Variants in PREX1 observed in about 807,000 individuals in gnomAD.
The protein encoded by PREX1 is phosphatidylinositol 3,4,5-trisphosphate-dependent Rac exchanger 1 protein.
A neutral mutation model predicts 198.3 loss-of-function variants in PREX1; 41 were observed. The observed-to-expected ratio is 0.21, with a 90% CI of 0.16 to 0.27. The LOEUF (loss-of-function observed/expected upper bound fraction) is 0.27, where lower values mean the gene tolerates loss of function less well. Among genes scored for constraint, PREX1 ranks in the 10% least tolerant of loss-of-function variants. The probability of loss-of-function intolerance (pLI) is 1.00; values close to 1 mark genes in which losing one functional copy is unlikely to be tolerated. For missense variants in PREX1, 1,620 were observed against 2,200.7 expected (o/e 0.74, Z 5.28); for synonymous variants, 843 against 887.2 (o/e 0.95, Z 0.89).
In PREX1 at chr20:48,686,436, T is replaced by A. The variant is rs140181470; in HGVS notation, c.1334+2221A>T. Among the ~76,000 whole-genome samples the A allele has an allele frequency of 2.0e-3, 306 of 152,302 alleles. 1 individual carries two copies. Among genetic ancestry groups the A allele is most frequent in the Non-Finnish European group, 3.6e-3 (244 of 68,014 alleles). On this transcript the variant is annotated intron_variant, in intron 10 of 39. Transcript: ENST00000371941. The stretch of plus-strand genomic sequence containing the variant: ...GCTGCTATCTTGGCCCCATTTCAAA[T>A]GGGCAGTAAAAGAAATCTCTCTAAT...
At chr20:48,813,266 G>A (rs560502181) in intron 1 of PREX1, among the ~76,000 whole-genome samples, 19 of 152,164 alleles carry the variant, frequency 1.2e-4, no homozygotes, top group Non-Finnish European at 2.1e-4. Flanking sequence ...TCAGCTTCCC[G>A]AGGTCACAGA....
At chr20:48,802,142 C>T (rs1329343193) in intron 1 of PREX1, among the ~76,000 whole-genome samples, 2 of 152,142 alleles carry the variant, frequency 1.3e-5, no homozygotes, top group African/African-American at 4.8e-5. Context: ...ACCCCATCCC[C>T]ACCCCCGCCA....
rs570172950 is a variant in PREX1, at chr20:48,772,992, C to T, written c.220-25112G>A. ...CAAGAAATGTCCATAACTGGCCAGGCGCGGTGGCTCATGCCTGTAATCCCA... is the reference window on the plus strand; with the variant it reads ...CAAGAAATGTCCATAACTGGCCAGGTGCGGTGGCTCATGCCTGTAATCCCA... On this transcript the variant is annotated intron_variant, in intron 1 of 39. Transcript: ENST00000371941. Among the ~76,000 whole-genome samples, 5 of 152,266 alleles carry T rather than the reference C, an allele frequency of 3.3e-5. No individual in the cohort carries two copies. In the South Asian group the frequency reaches 1.0e-3, roughly 32 times the overall value.
chr20:48,677,856 C>T (rs2089720074), intron 13 of PREX1, among the ~76,000 whole-genome samples: 1 of 151,248 alleles, frequency 6.6e-6, no homozygotes, highest in Admixed American at 6.6e-5. Flanking sequence ...CATGGTGGTG[C>T]ATGCCTGTAA....
At chr20:48,676,663 C>T (rs943120499) in intron 13 of PREX1, among the ~76,000 whole-genome samples, 2 of 152,066 alleles carry the variant, frequency 1.3e-5, no homozygotes, top group East Asian at 1.9e-4. Flanking sequence ...GCCGGGGATG[C>T]TGCTGAAGAT....
chr20:48,724,968 G>A (rs1196721041), intron 5 of PREX1, among the ~76,000 whole-genome samples: 1 of 152,212 alleles, frequency 6.6e-6, no homozygotes, highest in African/African-American at 2.4e-5. Context: ...AGATTGCTGG[G>A]AGAGATCAAC....
chr20:48,776,344 GC>G (rs760041943), intron 1 of PREX1, among the ~76,000 whole-genome samples: 5 of 152,106 alleles, frequency 3.3e-5, no homozygotes, highest in African/African-American at 1.2e-4. Flanking sequence ...CATGGACCCC[GC>G]CCCCCTCAGA....
chr20:48,726,450 A>G, intron 4 of PREX1, 59 bp from the exon 5 acceptor site: 1 of 1,244,832 alleles, frequency 8.0e-7, no homozygotes, highest in Non-Finnish European at 1.2e-6. Context: ...GGACATAGCC[A>G]CCCTCAACCA....
chr20:48,700,967 C>T (rs978639585), intron 6 of PREX1, 81 bp from the exon 7 acceptor site: 86 of 1,579,072 alleles, frequency 5.4e-5, no homozygotes, highest in Admixed American at 1.4e-4. Flanking sequence ...CCTACTACCA[C>T]CTCCTGCCAC....
chr20:48,760,711 C>T (rs900024468), intron 1 of PREX1, among the ~76,000 whole-genome samples: 2 of 152,218 alleles, frequency 1.3e-5, no homozygotes, highest in South Asian at 2.1e-4. Context: ...AAGTCCTCTC[C>T]GAGTACCAAC....
chr20:48,775,350 G>A (rs530320364), intron 1 of PREX1, among the ~76,000 whole-genome samples: 22 of 152,140 alleles, frequency 1.4e-4, no homozygotes, highest in African/African-American at 5.3e-4. Flanking sequence ...TTTTTTAAAT[G>A]TGGTGGCCAG....
chr20:48,742,268 G>A (rs761647933), intron 3 of PREX1, among the ~76,000 whole-genome samples: 11 of 152,148 alleles, frequency 7.2e-5, no homozygotes, highest in Non-Finnish European at 1.6e-4. Flanking sequence ...GCCAGAAAGC[G>A]CTGGATCACG....
At chr20:48,765,733 A>G (rs1292939077) in intron 1 of PREX1, among the ~76,000 whole-genome samples, 1 of 152,220 alleles carries the variant, frequency 6.6e-6, no homozygotes, top group African/African-American at 2.4e-5. Flanking sequence ...GGAGAATTTA[A>G]TTAGGGGAAG....
rs193291042 is a variant in PREX1, at chr20:48,734,168, C to G, written c.519+378G>C. Among the ~76,000 whole-genome samples, 69 of 152,294 alleles carry G rather than the reference C, an allele frequency of 4.5e-4. 1 individual carries two copies. The highest frequency in any genetic ancestry group is 6.9e-4 in the Non-Finnish European group (47 of 68,024). ...GTATTAATAATTACTACTCTTGCTG[C>G]CATTTTTAATAGAACCCTTACTTTA... On this transcript the variant is annotated intron_variant, in intron 4 of 39. Transcript: ENST00000371941.
intron 4 of PREX1, among the ~76,000 whole-genome samples, chr20:48,729,258 G>T (rs2090023423): frequency 1.3e-5 from 2 of 152,054 alleles, no homozygotes; most frequent in African/African-American, 4.8e-5. Context: ...TGTATTTTTA[G>T]TAGAGACAGG....
At chr20:48,819,265 T>A (rs1359202491) in intron 1 of PREX1, among the ~76,000 whole-genome samples, 1 of 152,114 alleles carries the variant, frequency 6.6e-6, no homozygotes, top group Non-Finnish European at 1.5e-5. Context: ...TCATCTCCCT[T>A]ACTCTCCCCT....
rs2089436624 is a variant in PREX1, at chr20:48,644,458, G to C, written c.3552C>G (p.Thr1184=). The C allele has an allele frequency of 3.7e-6, 6 of 1,613,960 alleles. No individual in the cohort carries two copies. The highest frequency in any genetic ancestry group is 5.1e-6 in the Non-Finnish European group (6 of 1,179,902). ...NSNRDSVLSY[T]SVRSNSSYLG... ...AGTAGGAGCTGTTACTTCTCACGCTGGTGTAGGACAGGACCGAGTCTCGAT... is the reference window on the plus strand; with the variant it reads ...AGTAGGAGCTGTTACTTCTCACGCTCGTGTAGGACAGGACCGAGTCTCGAT... The change falls in exon 27 of 40, where the codon ACC becomes ACG. Residue 1184 remains threonine (T), a synonymous_variant. Transcript: ENST00000371941.
intron 6 of PREX1, 111 bp from the exon 7 acceptor site, chr20:48,700,997 C>T: frequency 2.8e-6 from 4 of 1,405,738 alleles, no homozygotes; most frequent in Non-Finnish European, 4.0e-6. Flanking sequence ...ACTCCACCAG[C>T]AAGTCTGTCA....
chr20:48,635,171 C>CAA (rs1198807639), intron 32 of PREX1, among the ~76,000 whole-genome samples: 1 of 152,166 alleles, frequency 6.6e-6, no homozygotes, highest in Non-Finnish European at 1.5e-5. Flanking sequence ...ATCCAAGATC[C>CAA]AAACCTTTGA....
Sources: allele counts gnomAD v4.1 joint callset (sites outside exome capture counted in the v4.1 genomes callset), GRCh38; gene constraint gnomAD v4.1.1; transcripts MANE v1.5; gene names NCBI Gene and HGNC (gene_info 2026-07-23, HGNC 2026-07-21).